Variants in COPS2 observed in about 807,000 individuals in gnomAD.
COPS2 encodes the protein COP9 signalosome complex subunit 2.
COPS2 carries 10 observed loss-of-function variants against 66.1 expected under a neutral mutation model. The observed-to-expected ratio is 0.15, with a 90% CI of 0.09 to 0.26. The LOEUF is 0.26. Ranked by LOEUF, COPS2 falls within the 10% of genes least tolerant of loss-of-function variation. The probability of loss-of-function intolerance (pLI) is 1.00; values close to 1 mark genes in which losing one functional copy is unlikely to be tolerated. For missense variants in COPS2, 215 were observed against 513.3 expected, an observed-to-expected ratio of 0.42 and a Z score of 5.62; for synonymous variants, 179 against 171.3, an observed-to-expected ratio of 1.04 and a Z score of -0.35.
chr15:49,153,451 T>C (rs1228591243), intron 1 of COPS2, among the ~76,000 whole-genome samples: 1 of 152,116 alleles, frequency 6.6e-6, no homozygotes, highest in Non-Finnish European at 1.5e-5. Context: ...CTTCTACACT[T>C]TTGATGGAGA....
In COPS2 at chr15:49,129,563, A is replaced by G; in HGVS notation, c.1046-4T>C. ...GTTCTGATGTTTCGCAAAAGCTCTGAAAGACAAAAAATTAAAATAACATTT... is the reference window on the plus strand; with the variant it reads ...GTTCTGATGTTTCGCAAAAGCTCTGGAAGACAAAAAATTAAAATAACATTT... On this transcript the variant is annotated splice_polypyrimidine_tract_variant and splice_region_variant and intron_variant, in intron 10 of 12. Transcript: ENST00000388901. 1 of 1,448,024 alleles carries G rather than the reference A, an allele frequency of 6.9e-7. No homozygotes were observed. The highest frequency in any genetic ancestry group is 9.2e-7 in the Non-Finnish European group (1 of 1,081,884). 89.7% of individuals were successfully genotyped at this position (1,448,024 alleles called of 1,614,324 possible). A position where few individuals can be genotyped will look rare whatever the true frequency, so the allele number is the denominator to read the frequency against.
chr15:49,130,594 G>C, intron 10 of COPS2, 125 bp downstream of exon 10: 1 of 485,370 alleles, frequency 2.1e-6, no homozygotes, highest in South Asian at 5.3e-5. Flanking sequence ...ACAGCATTTA[G>C]AAACATATCT....
chr15:49,132,939 A>C (rs970212748), intron 9 of COPS2, among the ~76,000 whole-genome samples: 2 of 150,098 alleles, frequency 1.3e-5, no homozygotes, highest in African/African-American at 4.9e-5. Context: ...TACCAGTACG[A>C]CCCTTCTGTC....
chr15:49,139,627 T>G lies in COPS2; in HGVS notation c.273A>C (p.Arg91Ser). The G allele has an allele frequency of 6.3e-7, 1 of 1,588,820 alleles. No homozygotes were observed. The highest frequency in any genetic ancestry group is 8.5e-7 in the Non-Finnish European group (1 of 1,170,562). ...GAATATAGGTCAATAGCTGCTTATATCTATTCATCATTTCTGGAAAGTTTG... is the reference window on the plus strand; with the variant it reads ...GAATATAGGTCAATAGCTGCTTATAGCTATTCATCATTTCTGGAAAGTTTG... ...KLTNFPEMMN[R>S]YKQLLTYIRS... is the part of the protein sequence containing the mutation. The change falls in exon 4 of 13, where the codon AGA (arginine) becomes AGC (serine). Residue 91 changes from arginine (R) to serine (S), a missense_variant. Arg to Ser is a moderately radical substitution (Grantham distance 110). This residue lies in a region of COPS2 where 90 missense variants were observed against 225.1 expected (regional missense o/e 0.40). Transcript: ENST00000388901.
intron 1 of COPS2, among the ~76,000 whole-genome samples, chr15:49,150,896 T>A (rs1430653569): frequency 4.6e-5 from 7 of 152,118 alleles, no homozygotes; most frequent in Non-Finnish European, 8.8e-5. Flanking sequence ...CATGTACCCT[T>A]GAACCTAAAA....
At chr15:49,139,251 C>G (rs2084274143) in intron 4 of COPS2, 1 of 255,004 alleles carries the variant, frequency 3.9e-6, no homozygotes, top group East Asian at 1.0e-4. Flanking sequence ...CCTGTGGTAG[C>G]AACTGTATAG....
chr15:49,143,706 G>A (rs1459517465), intron 3 of COPS2, among the ~76,000 whole-genome samples: 1 of 152,196 alleles, frequency 6.6e-6, no homozygotes, highest in Non-Finnish European at 1.5e-5. Flanking sequence ...TGCAGCCCTG[G>A]CAGGGTGCGG....
Position 49,125,529 on chromosome 15 carries a change from G to C in COPS2, c.*2421C>G, listed in dbSNP as rs1351496027. The C allele has an allele frequency of 6.6e-6, 1 of 152,040 alleles. No individual in the cohort carries two copies. Among genetic ancestry groups the C allele is most frequent in the East Asian group, 1.9e-4 (1 of 5,196 alleles). 9.4% of individuals were successfully genotyped at this position (152,040 alleles called of 1,614,324 possible). On this transcript the variant is annotated 3_prime_UTR_variant, in exon 13 of 13. Coordinates refer to ENST00000388901, the MANE Select transcript of COPS2 (RefSeq NM_004236.4). The stretch of plus-strand genomic sequence containing the variant: ...AATAAATGCTACAAATTTGCCAATC[G>C]ATTTTTAACTTCCCCTAAATTTATA...
rs146147863 is a variant in COPS2 at position 49,134,386 on chromosome 15, G to A, written c.669C>T (p.His223=). The A allele has an allele frequency of 7.4e-6, 12 of 1,613,718 alleles. No individual in the cohort carries two copies. The highest frequency in any genetic ancestry group is 9.3e-6 in the Non-Finnish European group (11 of 1,179,956). ...GTGGATGAGGGATGGCAGACTTGATGTGAAGTGACTGTTCATAGAGTGCTT... is the reference window on the plus strand; with the variant it reads ...GTGGATGAGGGATGGCAGACTTGATATGAAGTGACTGTTCATAGAGTGCTT... ...KLKALYEQSL[H]IKSAIPHPLI... The change falls in exon 7 of 13, where the codon CAC becomes CAT. Residue 223 remains histidine, a synonymous_variant. Transcript: ENST00000388901.
intron 2 of COPS2, 136 bp from the exon 3 acceptor site, chr15:49,144,440 A>C: frequency 3.9e-5 from 22 of 560,552 alleles, no homozygotes; most frequent in Admixed American, 6.9e-5. Context: ...ACCATTTCTC[A>C]ATGTCATTTT....
intron 2 of COPS2, 131 bp downstream of exon 2, chr15:49,144,834 G>A (rs2084310871): frequency 5.4e-6 from 3 of 558,442 alleles, no homozygotes; most frequent in Non-Finnish European, 9.3e-6. Flanking sequence ...TGCTTGTGCT[G>A]CCTAATGCTA....
At chr15:49,137,295 T>G (rs933864668) in intron 5 of COPS2, 53 bp downstream of exon 5, 1 of 1,537,852 alleles carries the variant, frequency 6.5e-7, no homozygotes, top group African/African-American at 1.4e-5. Flanking sequence ...GAGACTTTAT[T>G]AAAAACACCC....
At position 49,130,700 on chromosome 15, in the gene COPS2, G is replaced by A; in HGVS notation, c.1045+19C>T. 7.0e-7 allele frequency: 1 copy of A among 1,419,462 alleles called. No homozygotes were observed. The highest frequency in any genetic ancestry group is 9.9e-7 in the Non-Finnish European group (1 of 1,011,664). 87.9% of individuals were successfully genotyped at this position (1,419,462 alleles called of 1,614,324 possible). The stretch of plus-strand genomic sequence containing the variant: ...GTGGCAAAGAAAGTAATAGAATCCA[G>A]TTGGCAGAAAGAACATACCTTCAAT... On this transcript the variant is annotated intron_variant, in intron 10 of 12. Transcript: ENST00000388901.
rs941023433 is a variant in COPS2, at chr15:49,124,033, A to T, written c.*3917T>A. Reference sequence around the variant, plus strand: ...ATTTAATAATCTCGAGTTAAAGAGAACCTCCAATTTGTCTTCGTTACGAAA... The same window carrying T: ...ATTTAATAATCTCGAGTTAAAGAGATCCTCCAATTTGTCTTCGTTACGAAA... On this transcript the variant is annotated 3_prime_UTR_variant, in exon 13 of 13. Coordinates refer to ENST00000388901, the MANE Select transcript of COPS2 (RefSeq NM_004236.4). The T allele has an allele frequency of 6.6e-6, 1 of 152,224 alleles. No individual in the cohort carries two copies. The highest frequency in any genetic ancestry group is 2.4e-5 in the African/African-American group (1 of 41,462). The allele number at this position is 152,224 out of a possible 1,614,324, so 9.4% of individuals were successfully genotyped here. A position where few individuals can be genotyped will look rare whatever the true frequency, so the allele number is the denominator to read the frequency against.
intron 1 of COPS2, among the ~76,000 whole-genome samples, chr15:49,148,613 C>T (rs967003377): frequency 2.6e-5 from 4 of 152,172 alleles, no homozygotes; most frequent in Admixed American, 1.3e-4. Context: ...AGATGAGATC[C>T]AATAAAGAGC....
At chr15:49,134,204 C>T (rs757385253) in intron 7 of COPS2, 96 bp from the exon 8 acceptor site, 8 of 1,393,808 alleles carry the variant, frequency 5.7e-6, no homozygotes, top group Non-Finnish European at 7.8e-6. Context: ...TATTTCAGTG[C>T]CTTTCAGTTT....
chr15:49,151,300 T>C (rs1467282110), intron 1 of COPS2, among the ~76,000 whole-genome samples: 3 of 151,212 alleles, frequency 2.0e-5, no homozygotes, highest in Non-Finnish European at 4.4e-5. Flanking sequence ...TTCAGGAGGT[T>C]GAGGCAGGAG....
At chr15:49,152,324 A>G (rs936769876) in intron 1 of COPS2, among the ~76,000 whole-genome samples, 3 of 152,068 alleles carry the variant, frequency 2.0e-5, no homozygotes, top group African/African-American at 4.8e-5. Flanking sequence ...AAATTACTAA[A>G]TAAGTTTTAT....
At chr15:49,154,302 CAAACT>C (rs1363858903) in intron 1 of COPS2, among the ~76,000 whole-genome samples, 2 of 152,298 alleles carry the variant, frequency 1.3e-5, no homozygotes, top group Middle Eastern at 3.4e-3. Flanking sequence ...CTGGCTTGCA[CAAACT>C]AAAATGTAAG....
Sources: allele counts gnomAD v4.1 joint callset (sites outside exome capture counted in the v4.1 genomes callset), GRCh38; gene constraint gnomAD v4.1.1; regional missense constraint gnomAD v4.1.1; transcripts MANE v1.5; gene names NCBI Gene and HGNC (gene_info 2026-07-23, HGNC 2026-07-21).